The following CPS1 variants were observed in gnomAD, a reference collection of about 807,000 sequenced individuals.
The protein encoded by CPS1 is carbamoyl-phosphate synthase [ammonia], mitochondrial.
Under a neutral mutation model 174.6 loss-of-function variants are expected in CPS1, and 109 were observed. The observed-to-expected ratio is 0.62, with a 90% CI of 0.53 to 0.73. The LOEUF is 0.73. CPS1 is among the 30% of genes least tolerant of loss of function. The probability of loss-of-function intolerance (pLI) is 0.00; values close to 1 mark genes in which losing one functional copy is unlikely to be tolerated. For synonymous variants in CPS1, 637 were observed against 632.0 expected, an observed-to-expected ratio of 1.01 and a Z score of -0.12; for missense variants, 1,689 against 1,821.9, an observed-to-expected ratio of 0.93 and a Z score of 1.33.
chr2:210,498,750 C>A (rs917752925), intron 1 of CPS1, among the ~76,000 whole-genome samples: 4 of 152,142 alleles, frequency 2.6e-5, no homozygotes, highest in African/African-American at 4.8e-5. Flanking sequence ...AATTCTTATT[C>A]CAGTAGAGTG....
At chr2:210,663,098 TC>T (rs1700975910) in intron 32 of CPS1, 24 bp from the exon 33 acceptor site, 1 of 1,508,000 alleles carries the variant, frequency 6.6e-7, no homozygotes, top group Admixed American at 2.0e-5. Context: ...ATAATTTTTC[TC>T]CCTGTTTTTT....
chr2:210,532,726 T>C (rs1339685980), intron 1 of CPS1, among the ~76,000 whole-genome samples: 1 of 152,152 alleles, frequency 6.6e-6, no homozygotes, highest in Non-Finnish European at 1.5e-5. Context: ...TAAATAAACA[T>C]ATGTGTTTAC....
At chr2:210,555,814 A>G (rs1008191750), upstream of CPS1, among the ~76,000 whole-genome samples, 3 of 152,040 alleles carry the variant, frequency 2.0e-5, no homozygotes, top group African/African-American at 7.2e-5. Flanking sequence ...CTGAAGGGTT[A>G]AGTGAATCAC....
At chr2:210,673,399 C>A (rs1362848252) in intron 34 of CPS1, 1 of 152,180 alleles carries the variant, frequency 6.6e-6, no homozygotes, top group African/African-American at 2.4e-5. Flanking sequence ...TAGGGAACTC[C>A]TGATGGCAAT....
At chr2:210,544,240 G>A (rs949532889) in intron 1 of CPS1, among the ~76,000 whole-genome samples, 1 of 152,074 alleles carries the variant, frequency 6.6e-6, no homozygotes, top group East Asian at 1.9e-4. Context: ...ATGTCAGTAG[G>A]TACGTAATCC....
At chr2:210,523,921 A>C (rs1574491112) in intron 1 of CPS1, among the ~76,000 whole-genome samples, 1 of 151,964 alleles carries the variant, frequency 6.6e-6, no homozygotes, top group South Asian at 2.1e-4. Flanking sequence ...AGTGGAGGGT[A>C]CCTGAGGTCA....
intron 31 of CPS1, among the ~76,000 whole-genome samples, chr2:210,659,572 G>C (rs1306606768): frequency 6.6e-6 from 1 of 152,120 alleles, no homozygotes; most frequent in Non-Finnish European, 1.5e-5. Context: ...TTCAACATGA[G>C]TTTTGATGGG....
At chr2:210,548,617 A>G (rs1696625162) in intron 1 of CPS1, among the ~76,000 whole-genome samples, 1 of 152,022 alleles carries the variant, frequency 6.6e-6, no homozygotes, top group African/African-American at 2.4e-5. Context: ...GAATTCAAGG[A>G]TTAGGGTTGG....
intron 1 of CPS1, 53 bp downstream of exon 1, chr2:210,556,912 A>C: frequency 6.3e-7 from 1 of 1,588,718 alleles, no homozygotes; most frequent in Non-Finnish European, 8.6e-7. Context: ...ATAGTTTAGC[A>C]GTGAAGCAAA....
intron 4 of CPS1, among the ~76,000 whole-genome samples, chr2:210,578,355 C>T (rs1394788077): frequency 1.3e-5 from 2 of 152,126 alleles, no homozygotes; most frequent in African/African-American, 4.8e-5. Flanking sequence ...TGTGATCCAC[C>T]CGACTCAGCC....
chr2:210,648,381 C>A, intron 26 of CPS1, 92 bp from the exon 27 acceptor site: 1 of 1,076,070 alleles, frequency 9.3e-7, no homozygotes, highest in Admixed American at 1.9e-5. Flanking sequence ...AATAAAGAAG[C>A]TGGGCTACCA....
chr2:210,612,691 A>G (rs1699171089), intron 20 of CPS1, among the ~76,000 whole-genome samples: 3 of 151,954 alleles, frequency 2.0e-5, no homozygotes, highest in Admixed American at 6.6e-5. Context: ...GGTGCATACA[A>G]TAATGTCCCT....
At chr2:210,491,988 T>C (rs1694887560) in intron 1 of CPS1, among the ~76,000 whole-genome samples, 1 of 152,136 alleles carries the variant, frequency 6.6e-6, no homozygotes, top group Non-Finnish European at 1.5e-5. Flanking sequence ...ACCAACACTA[T>C]TGTAAGGGAG....
chr2:210,512,825 TATATGGAGATATAC>T (rs1281863749), intron 1 of CPS1, among the ~76,000 whole-genome samples: 5 of 122,196 alleles, frequency 4.1e-5, no homozygotes, highest in African/African-American at 9.6e-5. Context: ...GAGAGATATA[TATATGGAGATATAC>T]ATATATGGAG....
intron 2 of CPS1, among the ~76,000 whole-genome samples, chr2:210,574,498 T>G (rs1697620289): frequency 6.6e-6 from 1 of 152,142 alleles, no homozygotes. Context: ...ATAGTTCCAC[T>G]GGTGAGAACA....
At chr2:210,505,564 C>T (rs183253704) in intron 1 of CPS1, among the ~76,000 whole-genome samples, 134 of 137,804 alleles carry the variant, frequency 9.7e-4, no homozygotes, top group African/African-American at 3.6e-3. Context: ...GTGCAGTGCA[C>T]TGAGCATGAG....
At chr2:210,593,604 G>A in intron 11 of CPS1, 1 of 985,374 alleles carries the variant, frequency 1.0e-6, no homozygotes, top group Non-Finnish European at 1.2e-6. Flanking sequence ...GAAGTCTATT[G>A]TGACTTCCCC....
intron 19 of CPS1, among the ~76,000 whole-genome samples, chr2:210,610,323 G>T (rs963688414): frequency 1.1e-4 from 17 of 151,890 alleles, no homozygotes; most frequent in Non-Finnish European, 2.2e-4. Flanking sequence ...AGGTAGGGGG[G>T]AGTTTTGTTG....
chr2:210,534,167 A>G (rs1015848026), intron 1 of CPS1, among the ~76,000 whole-genome samples: 1 of 152,182 alleles, frequency 6.6e-6, no homozygotes, highest in Non-Finnish European at 1.5e-5. Context: ...CTGTGGGGAA[A>G]TAAGCAGTGT....
Sources: allele counts gnomAD v4.1 joint callset (sites outside exome capture counted in the v4.1 genomes callset), GRCh38; gene constraint gnomAD v4.1.1; transcripts MANE v1.5; gene names NCBI Gene and HGNC (gene_info 2026-07-23, HGNC 2026-07-21).